The following PPP1R1C variants were observed in gnomAD, a reference collection of about 807,000 sequenced individuals.
The protein encoded by PPP1R1C is protein phosphatase 1 regulatory inhibitor subunit 1C.
Under a neutral mutation model 17.4 loss-of-function variants are expected in PPP1R1C, and 15 were observed. That is an observed-to-expected ratio of 0.86 (90% CI 0.58 to 1.33). PPP1R1C has a LOEUF of 1.33. Ranked by LOEUF, PPP1R1C falls within the 40% of genes most tolerant of loss-of-function variation. The pLI, the probability that PPP1R1C is intolerant of heterozygous loss-of-function variation, is 0.00. For synonymous variants in PPP1R1C, 35 were observed against 43.1 expected (o/e 0.81, Z 0.73); for missense variants, 143 against 130.0 (o/e 1.10, Z -0.48).
intron 4 of PPP1R1C, among the ~76,000 whole-genome samples, chr2:182,084,718 C>T (rs1182691800): frequency 6.6e-6 from 1 of 151,836 alleles, no homozygotes; most frequent in African/African-American, 2.4e-5. Flanking sequence ...ATTTGTTCAT[C>T]TTACACAGAG....
chr2:182,061,504 T>A, intron 3 of PPP1R1C, 25 bp downstream of exon 3: 1 of 1,421,386 alleles, frequency 7.0e-7, no homozygotes, highest in Non-Finnish European at 9.3e-7. Flanking sequence ...ATATTTTGTA[T>A]AAATGTGTTC....
upstream of PPP1R1C, among the ~76,000 whole-genome samples, chr2:181,981,081 A>C (rs1685185774): frequency 6.6e-6 from 1 of 151,524 alleles, no homozygotes; most frequent in African/African-American, 2.4e-5. Context: ...GGCGCCCGCC[A>C]CTACGCCCGG....
intron 2 of PPP1R1C, among the ~76,000 whole-genome samples, chr2:182,009,817 G>A (rs906836269): frequency 2.6e-5 from 4 of 152,014 alleles, no homozygotes; most frequent in Non-Finnish European, 5.9e-5. Flanking sequence ...AGAGATAGGG[G>A]TCTAGTTTTA....
chr2:182,039,138 A>G (rs1489718732), intron 2 of PPP1R1C, among the ~76,000 whole-genome samples: 1 of 152,206 alleles, frequency 6.6e-6, no homozygotes, highest in Non-Finnish European at 1.5e-5. Flanking sequence ...TTATATAAGT[A>G]TTGATCTTCT....
At chr2:182,012,542 T>C (rs1329566496) in intron 2 of PPP1R1C, among the ~76,000 whole-genome samples, 1 of 152,012 alleles carries the variant, frequency 6.6e-6, no homozygotes, top group Non-Finnish European at 1.5e-5. Flanking sequence ...TAGTTGGGTC[T>C]TTTTAAAAAA....
chr2:182,114,556 A>T (rs931716008), intron 4 of PPP1R1C, among the ~76,000 whole-genome samples: 1 of 152,162 alleles, frequency 6.6e-6, no homozygotes, highest in Admixed American at 6.6e-5. Context: ...TGATGACAGG[A>T]AAAGAGAGAG....
At chr2:182,113,120 G>T (rs1689488433) in intron 4 of PPP1R1C, among the ~76,000 whole-genome samples, 1 of 152,180 alleles carries the variant, frequency 6.6e-6, no homozygotes, top group Admixed American at 6.6e-5. Flanking sequence ...CCTCAGAGAT[G>T]AAACTATAGC....
At chr2:182,074,348 C>A (rs934954099) in intron 4 of PPP1R1C, among the ~76,000 whole-genome samples, 1 of 152,062 alleles carries the variant, frequency 6.6e-6, no homozygotes, top group Non-Finnish European at 1.5e-5. Context: ...GCCAAAAATT[C>A]TTCTATGATA....
At chr2:181,999,995 A>G (rs1236909982) in intron 2 of PPP1R1C, among the ~76,000 whole-genome samples, 1 of 152,200 alleles carries the variant, frequency 6.6e-6, no homozygotes, top group Non-Finnish European at 1.5e-5. Flanking sequence ...GTGCACATAC[A>G]GTCATCTTCC....
rs147345611 is a variant in PPP1R1C, at chr2:182,037,011, A to G, written c.143-24431A>G. Among the ~76,000 whole-genome samples, 1,065 of 152,366 alleles carry G rather than the reference A, an allele frequency of 7.0e-3. 4 individuals are homozygous for G. Among genetic ancestry groups the G allele is most frequent in the Admixed American group, 9.8e-3 (150 of 15,300 alleles). ...TTCAAAGAGAGAGTGGATTTGTAGCAATTGTATTAGAGAGGCTAAATACCA... is the reference window on the plus strand; with the variant it reads ...TTCAAAGAGAGAGTGGATTTGTAGCGATTGTATTAGAGAGGCTAAATACCA... On this transcript the variant is annotated intron_variant, in intron 2 of 4. Transcript: ENST00000682840.
chr2:182,027,830 C>T (rs1300964238), intron 2 of PPP1R1C, among the ~76,000 whole-genome samples: 1 of 143,960 alleles, frequency 6.9e-6, no homozygotes, highest in African/African-American at 2.6e-5. Context: ...GGCTGTGAAT[C>T]CATCTGGTCC....
chr2:182,111,669 G>A (rs1280988872), intron 4 of PPP1R1C, among the ~76,000 whole-genome samples: 1 of 151,280 alleles, frequency 6.6e-6, no homozygotes, highest in Non-Finnish European at 1.5e-5. Context: ...TTTACTGAGG[G>A]GCCTTTCTGT....
chr2:182,021,452 C>T (rs766793217), intron 2 of PPP1R1C, among the ~76,000 whole-genome samples: 1 of 151,228 alleles, frequency 6.6e-6, no homozygotes, highest in Admixed American at 6.6e-5. Context: ...CTCAGCCTCC[C>T]GAGTAGCTGG....
At chr2:181,963,194 A>G (rs1367837472) in intron 1 of PPP1R1C, among the ~76,000 whole-genome samples, 3 of 152,216 alleles carry the variant, frequency 2.0e-5, no homozygotes, top group African/African-American at 7.2e-5. Flanking sequence ...CAACCCCCAA[A>G]CCATAAACTT....
At chr2:182,095,995 TA>T (rs35074121) in intron 4 of PPP1R1C, among the ~76,000 whole-genome samples, 5,259 of 131,352 alleles carry the variant, frequency 0.04, 237 homozygotes, top group Admixed American at 0.14. Flanking sequence ...AAAAAAACTC[TA>T]AAAAAAAAAA....
chr2:181,955,458 T>A (rs1216148717), intron 1 of PPP1R1C, among the ~76,000 whole-genome samples: 1 of 152,210 alleles, frequency 6.6e-6, no homozygotes, highest in Non-Finnish European at 1.5e-5. Flanking sequence ...TTGATTTTTG[T>A]CAATCAAGGA....
Position 181,986,145 on chromosome 2 carries a change from C to T in PPP1R1C, c.35C>T (p.Ala12Val). The T allele has an allele frequency of 1.9e-6, 3 of 1,613,698 alleles. No homozygotes were observed. Among genetic ancestry groups the T allele is most frequent in the African/African-American group, 1.3e-5 (1 of 75,014 alleles). Residue 12 changes from alanine to valine, a missense_variant, in exon 1 of 5, where the codon GCC (alanine) becomes GTC (valine). By Grantham distance (64) the Ala-to-Val change is moderately conservative. Transcript: ENST00000682840. ...AACAGTCCCAAAAAGATACAGTTTG[C>T]CGTGCCTGTATTCCAGAGTCAGATT... ...EPNSPKKIQFAVPVFQSQIAP... is the reference protein window; with the variant it reads ...EPNSPKKIQFVVPVFQSQIAP...
chr2:182,072,105 C>T (rs1419662878), intron 4 of PPP1R1C, among the ~76,000 whole-genome samples: 1 of 152,168 alleles, frequency 6.6e-6, no homozygotes, highest in African/African-American at 2.4e-5. Flanking sequence ...ACACCACGTC[C>T]ATTAATGTAG....
At chr2:182,070,471 T>C (rs1024648883) in intron 4 of PPP1R1C, among the ~76,000 whole-genome samples, 7 of 152,244 alleles carry the variant, frequency 4.6e-5, no homozygotes, top group Admixed American at 3.3e-4. Context: ...TTGTCTTTCT[T>C]CTTAATAATA....
Sources: allele counts gnomAD v4.1 joint callset (sites outside exome capture counted in the v4.1 genomes callset), GRCh38; gene constraint gnomAD v4.1.1; transcripts MANE v1.5; gene names NCBI Gene and HGNC (gene_info 2026-07-23, HGNC 2026-07-21).